The following EIF4G3 variants were observed in gnomAD, a reference collection of about 807,000 sequenced individuals.
EIF4G3 encodes the protein eukaryotic translation initiation factor 4 gamma 3.
Under a neutral mutation model 186.4 loss-of-function variants are expected in EIF4G3, and 34 were observed. The ratio of observed to expected loss-of-function variants is 0.18; its 90% CI spans 0.14 to 0.24. EIF4G3 has a LOEUF of 0.24. Among genes scored for constraint, EIF4G3 ranks in the 10% least tolerant of loss-of-function variants. The pLI is 1.00. For synonymous variants in EIF4G3, 673 were observed against 679.5 expected, an observed-to-expected ratio of 0.99 and a Z score of 0.15; for missense variants, 1,536 against 1,948.5, an observed-to-expected ratio of 0.79 and a Z score of 3.99.
chr1:20,990,626 G>A (rs190495067), intron 7 of EIF4G3, among the ~76,000 whole-genome samples: 1 of 152,168 alleles, frequency 6.6e-6, no homozygotes, highest in Non-Finnish European at 1.5e-5. Context: ...CTGAGATCGC[G>A]CCACTGTACT....
intron 3 of EIF4G3, among the ~76,000 whole-genome samples, chr1:21,086,935 T>G (rs2096001404): frequency 7.2e-6 from 1 of 138,834 alleles, no homozygotes; most frequent in Non-Finnish European, 1.5e-5. Flanking sequence ...TGAGATTCCT[T>G]CTCAAAAAAA....
At chr1:21,138,059 G>A (rs1165117584) in intron 2 of EIF4G3, among the ~76,000 whole-genome samples, 2 of 152,146 alleles carry the variant, frequency 1.3e-5, no homozygotes, top group Non-Finnish European at 2.9e-5. Flanking sequence ...GAGTAAAACT[G>A]TTCCTCCTCC....
intron 14 of EIF4G3, among the ~76,000 whole-genome samples, chr1:20,921,169 C>T (rs999349506): frequency 6.6e-6 from 1 of 151,928 alleles, no homozygotes; most frequent in African/African-American, 2.4e-5. Flanking sequence ...CTAATTTTTC[C>T]GTTGATCAAA....
intron 4 of EIF4G3, among the ~76,000 whole-genome samples, chr1:21,009,968 A>C (rs1373290588): frequency 6.6e-6 from 1 of 152,152 alleles, no homozygotes; most frequent in Non-Finnish European, 1.5e-5. Flanking sequence ...CTGTCTTCTT[A>C]AGTGCTACAC....
Position 20,849,547 on chromosome 1 carries a change from C to T in EIF4G3, c.3773-17G>A. On this transcript the variant is annotated splice_polypyrimidine_tract_variant and intron_variant, in intron 28 of 36. Coordinates refer to ENST00000602326, the MANE Select transcript of EIF4G3 (RefSeq NM_001391906.1). The stretch of plus-strand genomic sequence containing the variant: ...CTGGTTTTGCTATTAGTGAGGCCCC[C>T]CAAAAAAAGTAAAAATAATAAAAAT... 2 of 1,280,512 alleles carry T rather than the reference C, an allele frequency of 1.6e-6. No homozygotes were observed. The highest frequency in any genetic ancestry group is 2.1e-6 in the Non-Finnish European group (2 of 933,720). 79.3% of individuals were successfully genotyped at this position (1,280,512 alleles called of 1,614,324 possible).
chr1:20,964,072 T>C lies in EIF4G3; in HGVS notation c.714+5402A>G, dbSNP rs538826379. On this transcript the variant is annotated intron_variant, in intron 12 of 36. Coordinates refer to ENST00000602326, the MANE Select transcript of EIF4G3 (RefSeq NM_001391906.1). ...ACTATTAGGCATAATAGCTAGCATA[T>C]TTCTAAATACAGGGATATTCCTTAT... Among the ~76,000 whole-genome samples, 187 of 152,346 alleles carry C rather than the reference T, an allele frequency of 1.2e-3. 1 individual carries two copies. The highest frequency in any genetic ancestry group is 4.3e-3 in the African/African-American group (177 of 41,588).
intron 17 of EIF4G3, among the ~76,000 whole-genome samples, chr1:20,893,849 T>C (rs987623352): frequency 1.3e-5 from 2 of 150,182 alleles, no homozygotes; most frequent in African/African-American, 4.9e-5. Context: ...ACGCTGGGAA[T>C]GATTTAGGCC....
At chr1:20,830,812 T>C (rs17449126) in intron 30 of EIF4G3, among the ~76,000 whole-genome samples, 4,259 of 152,348 alleles carry the variant, frequency 0.028, 91 homozygotes, top group Middle Eastern at 0.051. Flanking sequence ...AAAAACTTTT[T>C]TGGCTGAACA....
At chr1:20,825,986 G>C (rs2063513508) in intron 32 of EIF4G3, among the ~76,000 whole-genome samples, 1 of 152,154 alleles carries the variant, frequency 6.6e-6, no homozygotes, top group African/African-American at 2.4e-5. Flanking sequence ...TCATCTGAGA[G>C]GTATGTATTA....
At chr1:21,073,053 C>G (rs1216712150) in intron 3 of EIF4G3, among the ~76,000 whole-genome samples, 2 of 152,168 alleles carry the variant, frequency 1.3e-5, no homozygotes, top group African/African-American at 2.4e-5. Context: ...AGTGGAAGCG[C>G]CAGGATCTGA....
chr1:20,872,223 A>G (rs964610173), intron 20 of EIF4G3, among the ~76,000 whole-genome samples: 1 of 151,974 alleles, frequency 6.6e-6, no homozygotes, highest in African/African-American at 2.4e-5. Flanking sequence ...CCTGGGCTCA[A>G]GTGATCCTCT....
chr1:21,070,021 C>G (rs2095397335), intron 3 of EIF4G3, among the ~76,000 whole-genome samples: 1 of 152,166 alleles, frequency 6.6e-6, no homozygotes, highest in Admixed American at 6.5e-5. Flanking sequence ...GACTTGAACT[C>G]AGCTAACTGT....
At chr1:20,851,235 T>C in intron 28 of EIF4G3, 23 bp downstream of exon 28, 3 of 1,606,734 alleles carry the variant, frequency 1.9e-6, no homozygotes, top group Non-Finnish European at 2.6e-6. Flanking sequence ...CAAATCTGCA[T>C]CTGTTTAAGC....
intron 20 of EIF4G3, among the ~76,000 whole-genome samples, chr1:20,865,998 T>C (rs2077477279): frequency 6.6e-6 from 1 of 152,174 alleles, no homozygotes; most frequent in African/African-American, 2.4e-5. Context: ...ATAAAGACAG[T>C]AGACTGCAGC....
intron 4 of EIF4G3, among the ~76,000 whole-genome samples, chr1:21,037,337 T>C (rs1219635747): frequency 6.6e-6 from 1 of 152,116 alleles, no homozygotes; most frequent in African/African-American, 2.4e-5. Flanking sequence ...TAGTTTTCAT[T>C]CAACTATTTA....
intron 30 of EIF4G3, among the ~76,000 whole-genome samples, chr1:20,838,683 A>G (rs4654875): frequency 0.4 from 60,638 of 151,838 alleles, 12,712 homozygotes; most frequent in East Asian, 0.5. Flanking sequence ...GCTGAAAGAA[A>G]ACTTTTTTTT....
In EIF4G3 at chr1:21,072,209, A is replaced by C. The variant is rs2095463495; in HGVS notation, c.-196+16929T>G. 2.0e-5 allele frequency among the ~76,000 whole-genome samples: 3 copies of C among 152,206 alleles called. No individual in the cohort carries two copies. The South Asian group carries it at 6.2e-4, about 31-fold the overall frequency. On this transcript the variant is annotated intron_variant, in intron 3 of 36. Transcript: ENST00000602326. Reference sequence around the variant, plus strand: ...CATTCCAAGATGACAAATATATAATAAGTATTGATGATAAATACTAAAGTT... The same window carrying C: ...CATTCCAAGATGACAAATATATAATCAGTATTGATGATAAATACTAAAGTT...
chr1:20,808,709 T>C (rs2058639764), intron 36 of EIF4G3, among the ~76,000 whole-genome samples: 1 of 152,134 alleles, frequency 6.6e-6, no homozygotes, highest in Non-Finnish European at 1.5e-5. Context: ...ATCATTCACA[T>C]GGAAAACATG....
At chr1:20,909,935 C>T (rs756699307) in intron 14 of EIF4G3, among the ~76,000 whole-genome samples, 2 of 152,026 alleles carry the variant, frequency 1.3e-5, no homozygotes, top group Non-Finnish European at 2.9e-5. Context: ...GTACCCGCAA[C>T]CATGCCCGGC....
Sources: allele counts gnomAD v4.1 joint callset (sites outside exome capture counted in the v4.1 genomes callset), GRCh38; gene constraint gnomAD v4.1.1; transcripts MANE v1.5; gene names NCBI Gene and HGNC (gene_info 2026-07-23, HGNC 2026-07-21).